Variants in KMT5C observed in about 807,000 individuals in gnomAD.
KMT5C encodes the protein lysine methyltransferase 5C, also known as histone-lysine N-methyltransferase KMT5C.
KMT5C carries 16 observed loss-of-function variants against 38.2 expected under a neutral mutation model. The ratio of observed to expected loss-of-function variants is 0.42; its 90% CI spans 0.28 to 0.64. The LOEUF is 0.64. Among genes scored for constraint, KMT5C ranks in the 30% least tolerant of loss-of-function variants. The pLI is 0.23. For missense variants in KMT5C, 598 were observed against 665.1 expected, an observed-to-expected ratio of 0.90 and a Z score of 1.11; for synonymous variants, 291 against 279.0, an observed-to-expected ratio of 1.04 and a Z score of -0.43.
chr19:55,344,819 G>A (rs2089599444), intron 6 of KMT5C: 1 of 512,104 alleles, frequency 2.0e-6, no homozygotes, highest in Non-Finnish European at 4.0e-6. Context: ...TGCACCCTCT[G>A]GAGCACAGAC....
Position 55,346,992 on chromosome 19 carries a change from C to T in KMT5C, c.932C>T (p.Ala311Val), listed in dbSNP as rs140496637. The change falls in exon 9 of 9, where the codon GCC becomes GTC. Residue 311 changes from alanine (A) to valine (V), a missense_variant. Physicochemically the swap from Ala to Val is moderately conservative, Grantham distance 64 (BLOSUM62 0). Coordinates refer to ENST00000255613, the MANE Select transcript of KMT5C (RefSeq NM_032701.4). ...CCCCTGCGCCTGCCAGCCTGCAGCG[C>T]CCGCCCAGACACCTCACCCCTCTGG... ...CQPLRLPACS[A>V]RPDTSPLWLQ... 4.1e-5 allele frequency: 51 copies of T among 1,232,436 alleles called. 1 individual carries two copies. The highest frequency in any genetic ancestry group is 5.0e-4 in the Middle Eastern group (2 of 3,984). The allele number at this position is 1,232,436 out of a possible 1,614,324, so 76.3% of individuals were successfully genotyped here.
chr19:55,341,273 G>C (rs1369084962), intron 1 of KMT5C, among the ~76,000 whole-genome samples: 1 of 152,124 alleles, frequency 6.6e-6, no homozygotes, highest in Non-Finnish European at 1.5e-5. Context: ...GCAGGTGCTG[G>C]GATCCCTCCC....
intron 6 of KMT5C, 131 bp downstream of exon 6, chr19:55,344,128 A>G: frequency 1.1e-6 from 1 of 950,534 alleles, no homozygotes; most frequent in East Asian, 2.5e-5. Flanking sequence ...TAATCCCAGC[A>G]CTTTGGGAGG....
At position 55,347,543 on chromosome 19, in the gene KMT5C, A is replaced by T. The variant is rs1052635148; in HGVS notation, c.*94A>T. 3.3e-5 allele frequency: 48 copies of T among 1,449,312 alleles called. No homozygotes were observed. Among genetic ancestry groups the T allele is most frequent in the Non-Finnish European group, 4.2e-5 (47 of 1,107,266 alleles). 89.8% of individuals were successfully genotyped at this position (1,449,312 alleles called of 1,614,324 possible). On this transcript the variant is annotated 3_prime_UTR_variant, in exon 9 of 9. Coordinates refer to ENST00000255613, the MANE Select transcript of KMT5C (RefSeq NM_032701.4). This position sits in a 1 kb window ranked among gnomAD's most constrained non-coding sequence, Gnocchi z 4.6. Reference sequence around the variant, plus strand: ...AGGAGCCCTTGGACCTCTGGGAGGGAGCTGACCCTTGACTCCAGCATAGCT... The same window carrying T: ...AGGAGCCCTTGGACCTCTGGGAGGGTGCTGACCCTTGACTCCAGCATAGCT...
rs1555900558 is a variant in KMT5C, at chr19:55,343,193, C to CCCCTGCCCCTGT, written c.386+342_386+343insCCCTGCCCCTGT. On this transcript the variant is annotated intron_variant, in intron 4 of 8. Coordinates refer to ENST00000255613, the MANE Select transcript of KMT5C (RefSeq NM_032701.4). The surrounding 1 kb of genome is among the most constrained non-coding windows in gnomAD (Gnocchi z 5.5). ...TGAGGAGCCCCTGCCCCTGCCCCTG[C>CCCCTGCCCCTGT]GGGGTTCACAGTCTGGTGAGGAGGT... 13,264 of 358,910 alleles carry CCCCTGCCCCTGT rather than the reference C, an allele frequency of 0.037. 1,582 individuals are homozygous for CCCCTGCCCCTGT. The highest frequency in any genetic ancestry group is 0.25 in the African/African-American group (11,983 of 47,668). The allele number at this position is 358,910 out of a possible 1,614,324, so 22.2% of individuals were successfully genotyped here. A position where few individuals can be genotyped will look rare whatever the true frequency, so the allele number is the denominator to read the frequency against.
In KMT5C at chr19:55,347,070, G is replaced by A. The variant is rs761001628; in HGVS notation, c.1010G>A (p.Arg337His). The change falls in exon 9 of 9, where the codon CGC becomes CAC. Residue 337 changes from arginine (R) to histidine (H), a missense_variant. Arg to His is a conservative substitution (Grantham distance 29, BLOSUM62 0). Transcript: ENST00000255613. The surrounding 1 kb of genome is among the most constrained non-coding windows in gnomAD (Gnocchi z 4.6). ...CGAGTGCGGCCCCGGAAGCGCCGAC[G>A]CCCCCGGCCCCGGAGGGCCCCAGTG... ...QPRVRPRKRR[R>H]PRPRRAPVLS... 1.8e-5 allele frequency: 28 copies of A among 1,576,832 alleles called. No individual in the cohort carries two copies. In the African/African-American group the frequency reaches 2.7e-4, roughly 15 times the overall value.
rs1274592463 is a variant in KMT5C at position 55,342,336 on chromosome 19, T to C, written c.232T>C (p.Phe78Leu). 6.4e-7 allele frequency: 1 copy of C among 1,559,254 alleles called. No individual in the cohort carries two copies. Among genetic ancestry groups the C allele is most frequent in the Non-Finnish European group, 8.7e-7 (1 of 1,153,568 alleles). The change falls in exon 3 of 9, where the codon TTC becomes CTC. Residue 78 changes from phenylalanine (F) to leucine (L), a missense_variant. By Grantham distance (22) the Phe-to-Leu change is conservative. Coordinates refer to ENST00000255613, the MANE Select transcript of KMT5C (RefSeq NM_032701.4). ...LTLGGWTARY[F>L]QSRGPRQEAA... Reference sequence around the variant, plus strand: ...GCTGGGAGGCTGGACGGCCCGCTACTTCCAGAGCCGGGGCCCGCGGCAGGA... The same window carrying C: ...GCTGGGAGGCTGGACGGCCCGCTACCTCCAGAGCCGGGGCCCGCGGCAGGA...
In KMT5C at chr19:55,347,698, C is replaced by T; in HGVS notation, c.*249C>T. The T allele has an allele frequency of 1.8e-6, 1 of 557,844 alleles. No homozygotes were observed. The highest frequency in any genetic ancestry group is 3.4e-5 in the East Asian group (1 of 29,450). 34.6% of individuals were successfully genotyped at this position (557,844 alleles called of 1,614,324 possible). Reference sequence around the variant, plus strand: ...CCATTTGCTGCCCTCCCCACCCCTGCCCCAGCCTCAGGACTGCAGGAGCCA... The same window carrying T: ...CCATTTGCTGCCCTCCCCACCCCTGTCCCAGCCTCAGGACTGCAGGAGCCA... On this transcript the variant is annotated 3_prime_UTR_variant, in exon 9 of 9. Coordinates refer to ENST00000255613, the MANE Select transcript of KMT5C (RefSeq NM_032701.4). The surrounding 1 kb of genome is among the most constrained non-coding windows in gnomAD (Gnocchi z 4.6).
In KMT5C at chr19:55,342,758, G is replaced by A. The variant is rs2089574049; in HGVS notation, c.293G>A (p.Arg98His). ...ALKTHVYRYLRAFLPESGFTI... is the reference protein window; with the variant it reads ...ALKTHVYRYLHAFLPESGFTI... ...CCTCACCAGGTCTATCGCTACCTCC[G>A]TGCCTTCCTGCCGGAAAGTGGCTTT... Residue 98 changes from arginine (R) to histidine (H), a missense_variant, in exon 4 of 9, where the codon CGT becomes CAT. Transcript: ENST00000255613. The A allele has an allele frequency of 9.3e-6, 15 of 1,604,782 alleles. No homozygotes were observed. The highest frequency in any genetic ancestry group is 2.2e-5 in the East Asian group (1 of 44,802).
At chr19:55,344,180 G>A (rs980540530) in intron 6 of KMT5C, 183 bp downstream of exon 6, 1 of 577,276 alleles carries the variant, frequency 1.7e-6, no homozygotes, top group African/African-American at 1.9e-5. Context: ...GGAGACCACG[G>A]TGAAACCCCA....
At chr19:55,346,166 C>A in intron 6 of KMT5C, 47 bp from the exon 7 acceptor site, 1 of 1,609,706 alleles carries the variant, frequency 6.2e-7, no homozygotes. Context: ...GTGGGTGAGC[C>A]CTCCCCTGTG....
At chr19:55,344,361 C>CAAAA (rs909444379) in intron 6 of KMT5C, 23 of 161,058 alleles carry the variant, frequency 1.4e-4, no homozygotes, top group East Asian at 3.4e-4. Context: ...GACTCTGTCT[C>CAAAA]AAAAAAAAAA....
Position 55,343,265 on chromosome 19 carries a change from T to A in KMT5C, c.386+414T>A. ...GCAGTCACTGGTCCCAGCTGGTACA[T>A]GCTGCAGGGGAGCTGTGAGGAATGA... On this transcript the variant is annotated intron_variant, in intron 4 of 8. Transcript: ENST00000255613. This position sits in a 1 kb window ranked among gnomAD's most constrained non-coding sequence, Gnocchi z 5.5. 2 of 311,178 alleles carry A rather than the reference T, an allele frequency of 6.4e-6. No homozygotes were observed. Among genetic ancestry groups the A allele is most frequent in the Non-Finnish European group, 6.2e-6 (1 of 162,300 alleles). 19.3% of individuals were successfully genotyped at this position (311,178 alleles called of 1,614,324 possible). A position where few individuals can be genotyped will look rare whatever the true frequency, so the allele number is the denominator to read the frequency against.
chr19:55,341,362 G>A (rs1205700450), intron 1 of KMT5C, among the ~76,000 whole-genome samples: 1 of 152,166 alleles, frequency 6.6e-6, no homozygotes, highest in Admixed American at 6.5e-5. Context: ...GAAGGCTGCC[G>A]GGGAGGCAGG....
At position 55,343,374 on chromosome 19, in the gene KMT5C, G is replaced by A. The variant is rs1324283343; in HGVS notation, c.387-306G>A. 4.5e-6 allele frequency: 2 copies of A among 446,262 alleles called. No individual in the cohort carries two copies. The highest frequency in any genetic ancestry group is 4.1e-6 in the Non-Finnish European group (1 of 242,188). The allele number at this position is 446,262 out of a possible 1,614,324, so 27.6% of individuals were successfully genotyped here. Reference sequence around the variant, plus strand: ...GTGGGGCGAGTAGGGGGTAGTCCAGGCAGGAGGGATTTGGGGGCAGGAGGT... The same window carrying A: ...GTGGGGCGAGTAGGGGGTAGTCCAGACAGGAGGGATTTGGGGGCAGGAGGT... On this transcript the variant is annotated intron_variant, in intron 4 of 8. Coordinates refer to ENST00000255613, the MANE Select transcript of KMT5C (RefSeq NM_032701.4). The surrounding 1 kb of genome is among the most constrained non-coding windows in gnomAD (Gnocchi z 5.5).
Position 55,347,117 on chromosome 19 carries a change from C to G in KMT5C, c.1057C>G (p.Arg353Gly). 2 of 1,549,726 alleles carry G rather than the reference C, an allele frequency of 1.3e-6. No homozygotes were observed. Among genetic ancestry groups the G allele is most frequent in the Non-Finnish European group, 1.7e-6 (2 of 1,155,000 alleles). The change falls in exon 9 of 9, where the codon CGC becomes GGC. Residue 353 changes from arginine to glycine, a missense_variant. Physicochemically the swap from Arg to Gly is moderately radical, Grantham distance 125 (BLOSUM62 -2). This residue lies in a region of KMT5C where 326 missense variants were observed against 298.1 expected (regional missense o/e 1.09). Transcript: ENST00000255613. The surrounding 1 kb of genome is among the most constrained non-coding windows in gnomAD (Gnocchi z 4.6). Reference sequence around the variant, plus strand: ...AGTGCTCTCCACCCACCACGCTGCCCGCGTCTCCCTGCACCGATGGGGAGG... The same window carrying G: ...AGTGCTCTCCACCCACCACGCTGCCGGCGTCTCCCTGCACCGATGGGGAGG... Reference protein sequence around the residue: ...APVLSTHHAARVSLHRWGGCG... With the variant: ...APVLSTHHAAGVSLHRWGGCG...
intron 1 of KMT5C, among the ~76,000 whole-genome samples, chr19:55,340,193 C>T (rs375069833): frequency 7.9e-5 from 12 of 151,918 alleles, no homozygotes; most frequent in East Asian, 7.7e-4. Flanking sequence ...CACGGCCCTC[C>T]CTGCATCCTC....
At chr19:55,344,182 G>C in intron 6 of KMT5C, 185 bp downstream of exon 6, 1 of 571,846 alleles carries the variant, frequency 1.7e-6, no homozygotes, top group Admixed American at 3.1e-5. Flanking sequence ...AGACCACGGT[G>C]AAACCCCATC....
At chr19:55,346,860 C>T (rs2089625156) in intron 8 of KMT5C, 96 bp from the exon 9 acceptor site, 2 of 626,764 alleles carry the variant, frequency 3.2e-6, no homozygotes, top group East Asian at 7.7e-5. Context: ...GAGCGCAGGG[C>T]AGGGCTGCCT....
Sources: allele counts gnomAD v4.1 joint callset (sites outside exome capture counted in the v4.1 genomes callset), GRCh38; gene constraint gnomAD v4.1.1; regional missense constraint gnomAD v4.1.1; non-coding constraint Gnocchi (gnomAD v3.1); transcripts MANE v1.5; gene names NCBI Gene and HGNC (gene_info 2026-07-23, HGNC 2026-07-21).